TGFBR2: variants seen among roughly 807,000 people sequenced by gnomAD.
TGFBR2 encodes the protein transforming growth factor beta receptor 2, also known as TGF-beta receptor type-2.
In TGFBR2, 18 loss-of-function variants were observed where a neutral mutation model predicts 49.0. The ratio of observed to expected loss-of-function variants is 0.37; its 90% confidence interval spans 0.25 to 0.54. The LOEUF (loss-of-function observed/expected upper bound fraction) is 0.54. Ranked by LOEUF, TGFBR2 falls within the 20% of genes least tolerant of loss-of-function variation. The probability of loss-of-function intolerance (pLI) is 0.85; values close to 1 mark genes in which losing one functional copy is unlikely to be tolerated. For missense variants in TGFBR2, 525 were observed against 722.6 expected, an observed-to-expected ratio of 0.73 and a Z score of 3.13; for synonymous variants, 282 against 275.9, an observed-to-expected ratio of 1.02 and a Z score of -0.22.
At chr3:30,609,635 AG>A (rs1308905092) in intron 1 of TGFBR2, among the ~76,000 whole-genome samples, 1 of 152,244 alleles carries the variant, frequency 6.6e-6, no homozygotes, top group African/African-American at 2.4e-5. Context: ...ATAACTCTTC[AG>A]GTCTGAAAAA....
At chr3:30,668,645 C>T (rs3773642) in intron 3 of TGFBR2, among the ~76,000 whole-genome samples, 23,989 of 152,154 alleles carry the variant, frequency 0.16, 2,184 homozygotes, top group East Asian at 0.28. Context: ...CTGCCCTACT[C>T]TTGCCTGTTC....
chr3:30,655,259 T>A (rs761622721), intron 3 of TGFBR2, among the ~76,000 whole-genome samples: 2 of 152,184 alleles, frequency 1.3e-5, no homozygotes, highest in Non-Finnish European at 2.9e-5. Flanking sequence ...CTGTGTAGCC[T>A]TCGGTCTGTT....
intron 1 of TGFBR2, among the ~76,000 whole-genome samples, chr3:30,614,459 C>T (rs1049379834): frequency 1.3e-5 from 2 of 152,134 alleles, no homozygotes; most frequent in East Asian, 3.9e-4. Flanking sequence ...TAAATCATTA[C>T]GAAGTCTTCA....
chr3:30,645,491 CTTTT>C (rs771983813), intron 2 of TGFBR2, among the ~76,000 whole-genome samples: 1 of 136,320 alleles, frequency 7.3e-6, no homozygotes, highest in Non-Finnish European at 1.6e-5. Flanking sequence ...CTACATATTT[CTTTT>C]TTTTTTTTGA....
intron 1 of TGFBR2, among the ~76,000 whole-genome samples, chr3:30,617,662 C>G (rs1329434692): frequency 6.6e-6 from 1 of 152,146 alleles, no homozygotes; most frequent in African/African-American, 2.4e-5. Flanking sequence ...TTATATGCAT[C>G]AAGGCCCAAA....
chr3:30,647,487 G>A (rs532863309), intron 2 of TGFBR2, among the ~76,000 whole-genome samples: 1 of 152,174 alleles, frequency 6.6e-6, no homozygotes, highest in East Asian at 1.9e-4. Context: ...AAAATAGCCA[G>A]TGTGGAAACT....
At chr3:30,636,000 A>G (rs1698521535) in intron 1 of TGFBR2, among the ~76,000 whole-genome samples, 1 of 152,174 alleles carries the variant, frequency 6.6e-6, no homozygotes, top group African/African-American at 2.4e-5. Context: ...GCCGTTGTTA[A>G]TGTTGCCTCT....
At chr3:30,610,332 T>G (rs558051369) in intron 1 of TGFBR2, among the ~76,000 whole-genome samples, 1,771 of 151,864 alleles carry the variant, frequency 0.012, 23 homozygotes, top group South Asian at 0.051. Context: ...CTCATTTTTT[T>G]TTGTTGTTGT....
intron 1 of TGFBR2, among the ~76,000 whole-genome samples, chr3:30,607,653 G>T (rs1697947260): frequency 6.6e-6 from 1 of 151,970 alleles, no homozygotes; most frequent in East Asian, 1.9e-4. Context: ...TGTAGATTTT[G>T]CCTGGAACAA....
chr3:30,670,254 G>C (rs1354032759), intron 3 of TGFBR2, among the ~76,000 whole-genome samples: 1 of 152,070 alleles, frequency 6.6e-6, no homozygotes, highest in East Asian at 1.9e-4. Context: ...TGCCTTCCAT[G>C]TTTCTCTAAG....
intron 1 of TGFBR2, among the ~76,000 whole-genome samples, chr3:30,639,084 C>T (rs925964861): frequency 1.3e-5 from 2 of 152,150 alleles, no homozygotes; most frequent in African/African-American, 4.8e-5. Flanking sequence ...ATGAGAAATG[C>T]CTGTAAAAAG....
chr3:30,620,141 C>T (rs539501489), intron 1 of TGFBR2, among the ~76,000 whole-genome samples: 32 of 152,214 alleles, frequency 2.1e-4, no homozygotes, highest in Non-Finnish European at 2.9e-4. Context: ...GAGCCGAGAT[C>T]GCGCCACTGC....
intron 1 of TGFBR2, among the ~76,000 whole-genome samples, chr3:30,612,797 AAAG>A (rs971874177): frequency 1.1e-4 from 16 of 152,282 alleles, no homozygotes; most frequent in Admixed American, 6.5e-5. Context: ...CCAACATAAC[AAAG>A]AAGAAGGGGA....
intron 2 of TGFBR2, 74 bp downstream of exon 2, chr3:30,644,989 C>A: frequency 7.5e-7 from 1 of 1,340,276 alleles, no homozygotes; most frequent in Non-Finnish European, 1.1e-6. Flanking sequence ...TACACACAGT[C>A]AGTGTATCTC....
chr3:30,640,060 C>T (rs147124054), intron 1 of TGFBR2, among the ~76,000 whole-genome samples: 186 of 152,266 alleles, frequency 1.2e-3, no homozygotes, highest in African/African-American at 4.2e-3. Context: ...TTCATATTCT[C>T]AAGACCTGGA....
At position 30,672,558 on chromosome 3, in the gene TGFBR2, T is replaced by C; in HGVS notation, c.1254+121T>C. On this transcript the variant is annotated intron_variant, in intron 4 of 6. Coordinates refer to ENST00000295754, the MANE Select transcript of TGFBR2 (RefSeq NM_003242.6). This position sits in a 1 kb window ranked among gnomAD's most constrained non-coding sequence, Gnocchi z 4.5. ...GTACTCTGGACACTGGTCTAGGGAA[T>C]CTAGCCAAAGTATGGAGTCTGCCTT... 1 of 1,136,464 alleles carries C rather than the reference T, an allele frequency of 8.8e-7. No homozygotes were observed. Among genetic ancestry groups the C allele is most frequent in the Non-Finnish European group, 1.3e-6 (1 of 754,988 alleles). The allele number at this position is 1,136,464 out of a possible 1,614,324, so 70.4% of individuals were successfully genotyped here. A position where few individuals can be genotyped will look rare whatever the true frequency, so the allele number is the denominator to read the frequency against.
At chr3:30,633,863 T>G (rs1698481256) in intron 1 of TGFBR2, among the ~76,000 whole-genome samples, 1 of 152,240 alleles carries the variant, frequency 6.6e-6, no homozygotes, top group Non-Finnish European at 1.5e-5. Context: ...TGTAGCAATT[T>G]CTGCTTTAGC....
chr3:30,646,477 T>C (rs13081020), intron 2 of TGFBR2, among the ~76,000 whole-genome samples: 52,800 of 152,026 alleles, frequency 0.35, 9,555 homozygotes, highest in East Asian at 0.69. Flanking sequence ...GTTCTGCTGA[T>C]GAAATTGAAA....
At chr3:30,665,240 CAA>C (rs1559464587) in intron 3 of TGFBR2, among the ~76,000 whole-genome samples, 1 of 152,154 alleles carries the variant, frequency 6.6e-6, no homozygotes, top group Non-Finnish European at 1.5e-5. Flanking sequence ...CTTCCTGTCT[CAA>C]GTCATGTTAA....
Sources: gnomAD v4.1 joint callset for allele counts (sites outside exome capture counted in the v4.1 genomes callset) on GRCh38, gnomAD v4.1.1 for gene constraint, Gnocchi (gnomAD v3.1) non-coding constraint, MANE v1.5 for transcripts, NCBI Gene and HGNC (gene_info 2026-07-23, HGNC 2026-07-21) for gene names.